The following VTI1A variants were observed in gnomAD, a reference collection of about 807,000 sequenced individuals.
VTI1A encodes the protein vesicle transport through interaction with t-SNAREs 1A.
In VTI1A, 22 loss-of-function variants were observed where a neutral mutation model predicts 34.9. The observed-to-expected ratio is 0.63, with a 90% CI of 0.45 to 0.90. The LOEUF (loss-of-function observed/expected upper bound fraction) is 0.90, where lower values mean the gene tolerates loss of function less well. Ranked by LOEUF, VTI1A falls within the 40% of genes least tolerant of loss-of-function variation. The pLI is 0.00. For missense variants in VTI1A, 268 were observed against 275.6 expected (o/e 0.97, Z 0.20); for synonymous variants, 87 against 97.3 (o/e 0.89, Z 0.62).
In VTI1A at chr10:112,505,374, CA is replaced by C. The variant is rs1332171621; in HGVS notation, c.265-21711del. Among the ~76,000 whole-genome samples the C allele has an allele frequency of 7.9e-5, 12 of 152,156 alleles. No individual in the cohort carries two copies. The East Asian group carries it at 2.3e-3, about 29-fold the overall frequency. On this transcript the variant is annotated intron_variant, in intron 3 of 7. Coordinates refer to ENST00000393077, the MANE Select transcript of VTI1A (RefSeq NM_145206.4). ...CCGTATTAAATTCACTTATTGTTTG[CA>C]ATTCAGTTTATTCTCTTGAATTTTT...
At chr10:112,509,526 C>G (rs1849540148) in intron 3 of VTI1A, among the ~76,000 whole-genome samples, 1 of 152,072 alleles carries the variant, frequency 6.6e-6, no homozygotes, top group Non-Finnish European at 1.5e-5. Context: ...GATTGAATGC[C>G]CTGTGGTTCA....
intron 3 of VTI1A, among the ~76,000 whole-genome samples, chr10:112,466,078 A>G: frequency 6.6e-6 from 1 of 152,194 alleles, no homozygotes; most frequent in Non-Finnish European, 1.5e-5. Flanking sequence ...TCTGAGCCTT[A>G]CCTATGAGCA....
intron 1 of VTI1A, among the ~76,000 whole-genome samples, chr10:112,459,392 C>T (rs920903615): frequency 1.3e-5 from 2 of 152,194 alleles, no homozygotes; most frequent in African/African-American, 4.8e-5. Context: ...AGGCTTTCCC[C>T]TTGCTCTAGA....
chr10:112,464,536 C>G lies in VTI1A; in HGVS notation c.154-11C>G. ...TGTGTTTTAAATCACATTTTTCTTT[C>G]CCTCTTCTAGCTTGAACAGATGGAT... On this transcript the variant is annotated splice_polypyrimidine_tract_variant and intron_variant, in intron 2 of 7. Transcript: ENST00000393077. 1 of 1,604,862 alleles carries G rather than the reference C, an allele frequency of 6.2e-7. No homozygotes were observed. The highest frequency in any genetic ancestry group is 8.5e-7 in the Non-Finnish European group (1 of 1,174,160).
At chr10:112,541,341 G>A (rs968213361) in intron 5 of VTI1A, among the ~76,000 whole-genome samples, 14 of 152,058 alleles carry the variant, frequency 9.2e-5, no homozygotes, top group African/African-American at 3.4e-4. Flanking sequence ...TCTTATATTT[G>A]CAAAATGGAA....
the VTI1A span, among the ~76,000 whole-genome samples, chr10:112,843,070 A>G: frequency 6.6e-6 from 1 of 152,220 alleles, no homozygotes; most frequent in Non-Finnish European, 1.5e-5. Flanking sequence ...GCACCAGAGC[A>G]TGCGATTCTC....
chr10:112,484,227 C>T (rs907874723), intron 3 of VTI1A, among the ~76,000 whole-genome samples: 1 of 152,190 alleles, frequency 6.6e-6, no homozygotes, highest in African/African-American at 2.4e-5. Context: ...TCAGCTTCTT[C>T]GACTCTAAGA....
intron 3 of VTI1A, among the ~76,000 whole-genome samples, chr10:112,522,475 G>A (rs1303961678): frequency 1.3e-5 from 2 of 152,094 alleles, no homozygotes; most frequent in South Asian, 4.1e-4. Context: ...CTTGCTTAGT[G>A]TTTGTGAATG....
chr10:112,731,618 G>A (rs1423806313), intron 7 of VTI1A, among the ~76,000 whole-genome samples: 1 of 151,496 alleles, frequency 6.6e-6, no homozygotes, highest in African/African-American at 2.4e-5. Context: ...ACATGAGAAG[G>A]CATATTTTAG....
intron 5 of VTI1A, among the ~76,000 whole-genome samples, chr10:112,641,594 C>A (rs944650443): frequency 4.6e-5 from 7 of 152,108 alleles, no homozygotes; most frequent in Non-Finnish European, 1.0e-4. Context: ...TGGCAAGGGT[C>A]CCAGCATCAA....
intron 7 of VTI1A, among the ~76,000 whole-genome samples, chr10:112,809,652 C>T (rs1204595381): frequency 6.6e-6 from 1 of 152,250 alleles, no homozygotes; most frequent in South Asian, 2.1e-4. Flanking sequence ...TATCTACAAG[C>T]AGTCCTTAGA....
chr10:112,672,312 T>G (rs1847880731), intron 7 of VTI1A, among the ~76,000 whole-genome samples: 1 of 152,230 alleles, frequency 6.6e-6, no homozygotes, highest in Non-Finnish European at 1.5e-5. Flanking sequence ...AAATTGCTCT[T>G]CATGTAAGCA....
At chr10:112,754,809 T>C (rs963817771) in intron 7 of VTI1A, among the ~76,000 whole-genome samples, 1 of 152,024 alleles carries the variant, frequency 6.6e-6, no homozygotes, top group Non-Finnish European at 1.5e-5. Flanking sequence ...CAAACTAGAA[T>C]CGGTCTAGGA....
At chr10:112,830,198 CT>C in the VTI1A span, among the ~76,000 whole-genome samples, 14 of 152,136 alleles carry the variant, frequency 9.2e-5, no homozygotes, top group African/African-American at 3.4e-4. Context: ...ATAGAGCCTT[CT>C]GGTTCAAAAG....
chr10:112,664,255 C>T (rs1847564353), intron 5 of VTI1A, among the ~76,000 whole-genome samples: 1 of 152,120 alleles, frequency 6.6e-6, no homozygotes, highest in Non-Finnish European at 1.5e-5. Context: ...TCAAATGGGA[C>T]ATTTCCTGGT....
At chr10:112,613,974 A>G (rs1011983462) in intron 5 of VTI1A, among the ~76,000 whole-genome samples, 2 of 151,524 alleles carry the variant, frequency 1.3e-5, no homozygotes, top group African/African-American at 4.9e-5. Context: ...TTTTTCGTCC[A>G]TTTTTCCCAT....
At chr10:112,740,967 T>G (rs1428923193) in intron 7 of VTI1A, among the ~76,000 whole-genome samples, 1 of 152,222 alleles carries the variant, frequency 6.6e-6, no homozygotes, top group African/African-American at 2.4e-5. Flanking sequence ...ATGTGGTCTA[T>G]TATTCAGCCA....
chr10:112,625,428 C>T (rs1845884413), intron 5 of VTI1A, among the ~76,000 whole-genome samples: 1 of 151,942 alleles, frequency 6.6e-6, no homozygotes, highest in Non-Finnish European at 1.5e-5. Context: ...CACCTGAGGT[C>T]AGGAGTAAAA....
chr10:112,510,639 A>AACCACC (rs764422048), intron 3 of VTI1A, among the ~76,000 whole-genome samples: 3 of 151,832 alleles, frequency 2.0e-5, no homozygotes, highest in Admixed American at 6.6e-5. Flanking sequence ...GACTCAAAAA[A>AACCACC]ACCACCACCA....
Sources: allele counts gnomAD v4.1 joint callset (sites outside exome capture counted in the v4.1 genomes callset), GRCh38; gene constraint gnomAD v4.1.1; transcripts MANE v1.5; gene names NCBI Gene and HGNC (gene_info 2026-07-23, HGNC 2026-07-21).